UBQLN1: variants seen among roughly 807,000 people sequenced by gnomAD.
UBQLN1 encodes the protein ubiquilin 1, also known as ubiquilin-1.
Under a neutral mutation model 65.4 loss-of-function variants are expected in UBQLN1, and 13 were observed. That is an observed-to-expected ratio of 0.20 (90% CI 0.13 to 0.32). The LOEUF is 0.32. Among genes scored for constraint, UBQLN1 ranks in the 10% least tolerant of loss-of-function variants. The pLI is 1.00. For synonymous variants in UBQLN1, 267 were observed against 247.8 expected (o/e 1.08, Z -0.73); for missense variants, 561 against 724.0 (o/e 0.77, Z 2.58).
Position 83,707,933 on chromosome 9 carries a change from G to T in UBQLN1, c.-254C>A, listed in dbSNP as rs1031149805. ...GCGCCGCTCGCTCACACCGACATCC[G>T]CAGCAGCCACCGCTTCCTCCTCCCT... is the stretch of plus-strand genomic sequence containing the variant. On this transcript the variant is annotated 5_prime_UTR_variant, in exon 1 of 11. Coordinates refer to ENST00000376395, the MANE Select transcript of UBQLN1 (RefSeq NM_013438.5). 11 of 508,860 alleles carry T rather than the reference G, an allele frequency of 2.2e-5. 1 individual carries two copies. In the Admixed American group the frequency reaches 3.4e-4, roughly 16 times the overall value. The allele number at this position is 508,860 out of a possible 1,614,324, so 31.5% of individuals were successfully genotyped here.
chr9:83,668,351 C>T, intron 7 of UBQLN1: 1 of 985,352 alleles, frequency 1.0e-6, no homozygotes, highest in Non-Finnish European at 1.2e-6. Context: ...ACTATAAAGT[C>T]TTCCAAATTC....
chr9:83,669,381 T>G (rs984014977), intron 6 of UBQLN1, 54 bp from the exon 7 acceptor site: 2 of 1,485,974 alleles, frequency 1.3e-6, no homozygotes, highest in Non-Finnish European at 1.8e-6. Flanking sequence ...TAAACAAAAG[T>G]TAAAGCTTTA....
At chr9:83,664,819 T>C (rs1831616695) in intron 9 of UBQLN1, among the ~76,000 whole-genome samples, 1 of 148,936 alleles carries the variant, frequency 6.7e-6, no homozygotes, top group African/African-American at 2.5e-5. Context: ...CTTGGGAGGC[T>C]GAGGTGAGAG....
At chr9:83,688,690 G>C (rs577380714) in intron 1 of UBQLN1, among the ~76,000 whole-genome samples, 1 of 151,980 alleles carries the variant, frequency 6.6e-6, no homozygotes, top group Admixed American at 6.6e-5. Flanking sequence ...GTGAAACCCC[G>C]TCTCTACTAA....
rs192556178 is a variant in UBQLN1, at chr9:83,684,298, G to A, written c.333-1232C>T. Among the ~76,000 whole-genome samples, 375 of 151,832 alleles carry A rather than the reference G, an allele frequency of 2.5e-3. 6 individuals carry two copies. The highest frequency in any genetic ancestry group is 8.5e-3 in the African/African-American group (352 of 41,502). ...TAACCTCCACCTCCCAGGTTCAAGC[G>A]ATTCTCCTGCCTCAGCCTCCCGAGT... On this transcript the variant is annotated intron_variant, in intron 2 of 10. Transcript: ENST00000376395.
chr9:83,705,452 G>A (rs1447476494), intron 1 of UBQLN1, among the ~76,000 whole-genome samples: 4 of 152,164 alleles, frequency 2.6e-5, no homozygotes, highest in African/African-American at 7.2e-5. Flanking sequence ...GTTTCACCCC[G>A]TTGGCCAGGC....
intron 1 of UBQLN1, among the ~76,000 whole-genome samples, chr9:83,694,987 ATAAG>A (rs1180724838): frequency 6.6e-6 from 1 of 152,214 alleles, no homozygotes; most frequent in African/African-American, 2.4e-5. Flanking sequence ...CATAAAAATA[ATAAG>A]TAATAGTCTA....
rs1471415720 is a variant in UBQLN1, at chr9:83,662,267, T to TATACACAC, written c.1618-329_1618-328insGTGTGTAT. 1.5e-4 allele frequency among the ~76,000 whole-genome samples: 20 copies of TATACACAC among 129,088 alleles called. No homozygotes were observed. The South Asian group carries it at 1.8e-3, about 12-fold the overall frequency. 84.7% of individuals were successfully genotyped at this position (129,088 alleles called of 152,430 possible). On this transcript the variant is annotated intron_variant, in intron 10 of 10. Transcript: ENST00000376395. ...CTGTATGTGTGTGTGTATATACATA[T>TATACACAC]ACATATACACACACACACACACACA...
rs1330168505 is a variant in UBQLN1 at position 83,707,906 on chromosome 9, AGGC to A, written c.-230_-228del. 2 of 557,444 alleles carry A rather than the reference AGGC, an allele frequency of 3.6e-6. No individual in the cohort carries two copies. The highest frequency in any genetic ancestry group is 5.9e-6 in the Non-Finnish European group (2 of 336,330). 34.5% of individuals were successfully genotyped at this position (557,444 alleles called of 1,614,324 possible). A position where few individuals can be genotyped will look rare whatever the true frequency, so the allele number is the denominator to read the frequency against. ...GGCGCTCGGCAGCCGCCGTGTGTTC[AGGC>A]GCCGCTCGCTCACACCGACATCCGC... On this transcript the variant is annotated 5_prime_UTR_variant, in exon 1 of 11. Coordinates refer to ENST00000376395, the MANE Select transcript of UBQLN1 (RefSeq NM_013438.5).
intron 1 of UBQLN1, among the ~76,000 whole-genome samples, chr9:83,689,290 T>C (rs1198239047): frequency 6.6e-6 from 1 of 152,244 alleles, no homozygotes; most frequent in Non-Finnish European, 1.5e-5. Flanking sequence ...TGTATGAATA[T>C]ACCACCTATT....
At chr9:83,678,635 G>A (rs762264506) in intron 4 of UBQLN1, 36 bp from the exon 5 acceptor site, 5 of 1,550,634 alleles carry the variant, frequency 3.2e-6, no homozygotes, top group Admixed American at 1.9e-5. Flanking sequence ...AAAAAAAAAA[G>A]GCATTGAAAT....
intron 6 of UBQLN1, among the ~76,000 whole-genome samples, chr9:83,673,568 C>A (rs11140207): frequency 0.18 from 14,950 of 81,782 alleles, 1,383 homozygotes; most frequent in Non-Finnish European, 0.2. Context: ...AAAAAAAAAA[C>A]AAAAAAAAAA....
intron 1 of UBQLN1, among the ~76,000 whole-genome samples, chr9:83,695,514 T>G (rs2131180994): frequency 6.6e-6 from 1 of 152,316 alleles, no homozygotes; most frequent in Non-Finnish European, 1.5e-5. Context: ...TTTATACTTT[T>G]CAACATCATT....
Position 83,680,919 on chromosome 9 carries a change from G to A in UBQLN1, c.449-882C>T, listed in dbSNP as rs918599551. ...TAACTTGTGAGATCAGACACTAACT[G>A]TAGGTAGGTAGTATCAGAAATGAAG... On this transcript the variant is annotated intron_variant, in intron 3 of 10. Transcript: ENST00000376395. Among the ~76,000 whole-genome samples, 6 of 152,208 alleles carry A rather than the reference G, an allele frequency of 3.9e-5. 1 individual carries two copies. Among genetic ancestry groups the A allele is most frequent in the African/African-American group, 1.4e-4 (6 of 41,444 alleles).
At chr9:83,695,925 TTTCAC>T (rs1832204755) in intron 1 of UBQLN1, among the ~76,000 whole-genome samples, 1 of 152,046 alleles carries the variant, frequency 6.6e-6, no homozygotes, top group African/African-American at 2.4e-5. Context: ...ATTTGTATAG[TTTCAC>T]TTCACTTTTC....
At chr9:83,702,132 G>A (rs1832319742) in intron 1 of UBQLN1, among the ~76,000 whole-genome samples, 1 of 152,144 alleles carries the variant, frequency 6.6e-6, no homozygotes, top group Admixed American at 6.5e-5. Flanking sequence ...TAGATCAGTA[G>A]TTGCCTAAGG....
At position 83,673,355 on chromosome 9, in the gene UBQLN1, A is replaced by G. The variant is rs59017415; in HGVS notation, c.1106-4028T>C. Reference sequence around the variant, plus strand: ...GGAGTTTGAGACCAGCCTGGCCAACATGGTGAAACACTGTCTCTACTAAGA... The same window carrying G: ...GGAGTTTGAGACCAGCCTGGCCAACGTGGTGAAACACTGTCTCTACTAAGA... On this transcript the variant is annotated intron_variant, in intron 6 of 10. Coordinates refer to ENST00000376395, the MANE Select transcript of UBQLN1 (RefSeq NM_013438.5). Among the ~76,000 whole-genome samples the G allele has an allele frequency of 2.0e-5, 3 of 152,180 alleles. No homozygotes were observed. In the East Asian group the frequency reaches 5.8e-4, roughly 29 times the overall value.
At chr9:83,687,753 C>A (rs1832063245) in intron 1 of UBQLN1, among the ~76,000 whole-genome samples, 1 of 152,112 alleles carries the variant, frequency 6.6e-6, no homozygotes, top group Non-Finnish European at 1.5e-5. Flanking sequence ...TTTCCATAAT[C>A]AATTTACAAC....
intron 1 of UBQLN1, among the ~76,000 whole-genome samples, chr9:83,696,394 A>T (rs1366220783): frequency 6.6e-6 from 1 of 152,206 alleles, no homozygotes; most frequent in Non-Finnish European, 1.5e-5. Flanking sequence ...CACATTGTTA[A>T]AATATTCCTA....
Sources: gnomAD v4.1 joint callset for allele counts (sites outside exome capture counted in the v4.1 genomes callset) on GRCh38, gnomAD v4.1.1 for gene constraint, MANE v1.5 for transcripts, NCBI Gene and HGNC (gene_info 2026-07-23, HGNC 2026-07-21) for gene names.